Variants in GPC5 observed in about 807,000 individuals in gnomAD.
GPC5 encodes glypican-5.
Under a neutral mutation model 53.9 loss-of-function variants are expected in GPC5, and 47 were observed. The ratio of observed to expected loss-of-function variants is 0.87; its 90% CI spans 0.69 to 1.11. The LOEUF (loss-of-function observed/expected upper bound fraction) is 1.11. Ranked by LOEUF, GPC5 falls within the 50% of genes most tolerant of loss-of-function variation. GPC5 has a pLI of 0.00. For missense variants in GPC5, 748 were observed against 713.1 expected, an observed-to-expected ratio of 1.05 and a Z score of -0.56; for synonymous variants, 286 against 263.3, an observed-to-expected ratio of 1.09 and a Z score of -0.84.
At chr13:92,435,859 A>C (rs967117318) in intron 7 of GPC5, among the ~76,000 whole-genome samples, 1 of 152,216 alleles carries the variant, frequency 6.6e-6, no homozygotes, top group Admixed American at 6.5e-5. Context: ...GAATGCATTC[A>C]GGGAATTTTA....
At chr13:92,609,407 G>T (rs538252678) in intron 7 of GPC5, among the ~76,000 whole-genome samples, 1 of 152,190 alleles carries the variant, frequency 6.6e-6, no homozygotes, top group South Asian at 2.1e-4. Flanking sequence ...TGTCTAGCAG[G>T]TTTGTTCTAA....
At chr13:91,908,920 C>T (rs182036638) in intron 6 of GPC5, among the ~76,000 whole-genome samples, 1 of 152,156 alleles carries the variant, frequency 6.6e-6, no homozygotes, top group Admixed American at 6.6e-5. Flanking sequence ...TTATTGCATA[C>T]AACATATTCA....
chr13:92,455,942 T>G (rs1878248178), intron 7 of GPC5, among the ~76,000 whole-genome samples: 1 of 152,196 alleles, frequency 6.6e-6, no homozygotes, highest in Non-Finnish European at 1.5e-5. Flanking sequence ...TTTATTAAAA[T>G]GCAGACTTTG....
At chr13:92,078,381 T>C (rs535667611) in intron 6 of GPC5, among the ~76,000 whole-genome samples, 1 of 152,300 alleles carries the variant, frequency 6.6e-6, no homozygotes, top group African/African-American at 2.4e-5. Context: ...AGAAGACTTG[T>C]TAATATTTCA....
intron 6 of GPC5, among the ~76,000 whole-genome samples, chr13:92,118,212 A>G (rs982310513): frequency 6.6e-5 from 10 of 152,142 alleles, no homozygotes; most frequent in African/African-American, 2.2e-4. Flanking sequence ...CATCTACTGA[A>G]TGACGTTTGT....
intron 7 of GPC5, among the ~76,000 whole-genome samples, chr13:92,338,347 G>A (rs773588893): frequency 2.0e-5 from 3 of 152,050 alleles, no homozygotes; most frequent in Non-Finnish European, 4.4e-5. Flanking sequence ...ATGCAAAATG[G>A]TACTCTGGAA....
At position 92,044,524 on chromosome 13, in the gene GPC5, T is replaced by C. The variant is rs181946855; in HGVS notation, c.1402-100306T>C. ...TCTGCCAAAGCTAACGTATGTGTTTTACTTTGCCAAATGACTTGGTTCTGA... is the reference window on the plus strand; with the variant it reads ...TCTGCCAAAGCTAACGTATGTGTTTCACTTTGCCAAATGACTTGGTTCTGA... On this transcript the variant is annotated intron_variant, in intron 6 of 7. Transcript: ENST00000377067. 3.3e-5 allele frequency among the ~76,000 whole-genome samples: 5 copies of C among 152,348 alleles called. No individual in the cohort carries two copies. The East Asian group carries it at 9.6e-4, about 29-fold the overall frequency.
At chr13:92,781,156 C>T (rs1476173967) in intron 7 of GPC5, among the ~76,000 whole-genome samples, 4 of 152,068 alleles carry the variant, frequency 2.6e-5, no homozygotes, top group African/African-American at 9.7e-5. Context: ...CCTTATATTA[C>T]AGTTGTTGAA....
At chr13:91,436,494 G>A (rs1566395061) in intron 1 of GPC5, among the ~76,000 whole-genome samples, 1 of 152,182 alleles carries the variant, frequency 6.6e-6, no homozygotes, top group Non-Finnish European at 1.5e-5. Flanking sequence ...TAGTTGAGAG[G>A]TTTTGAGGGA....
At chr13:91,837,457 G>A (rs768607942) in intron 5 of GPC5, among the ~76,000 whole-genome samples, 55 of 152,074 alleles carry the variant, frequency 3.6e-4, no homozygotes, top group Non-Finnish European at 2.1e-4. Context: ...GTCTGGGACT[G>A]CTGCAGGAAC....
intron 6 of GPC5, among the ~76,000 whole-genome samples, chr13:92,075,897 T>C (rs1019672166): frequency 2.0e-5 from 3 of 152,200 alleles, no homozygotes; most frequent in African/African-American, 7.2e-5. Flanking sequence ...CTAGGCTATC[T>C]GAAGCTAATT....
chr13:91,531,415 T>C lies in GPC5; in HGVS notation c.325+82493T>C, dbSNP rs1886338363. Among the ~76,000 whole-genome samples, 2 of 152,198 alleles carry C rather than the reference T, an allele frequency of 1.3e-5. 1 individual carries two copies. Among genetic ancestry groups the C allele is most frequent in the Non-Finnish European group, 2.9e-5 (2 of 68,032 alleles). On this transcript the variant is annotated intron_variant, in intron 2 of 7. Transcript: ENST00000377067. ...TTCATGGCAAGCCTATTGACTTTCT[T>C]TGAGCTATGGGGTAAAGCCGGCTGT...
At chr13:92,594,814 A>G (rs1366621286) in intron 7 of GPC5, among the ~76,000 whole-genome samples, 1 of 152,242 alleles carries the variant, frequency 6.6e-6, no homozygotes. Context: ...GTCAAACACA[A>G]GAGGCCCTTA....
intron 7 of GPC5, among the ~76,000 whole-genome samples, chr13:92,379,570 T>A (rs181131220): frequency 6.6e-6 from 1 of 151,008 alleles, no homozygotes; most frequent in East Asian, 1.9e-4. Flanking sequence ...TGCATATTAG[T>A]TCCTCTCTGT....
intron 7 of GPC5, among the ~76,000 whole-genome samples, chr13:92,464,652 A>G (rs1878621301): frequency 6.6e-6 from 1 of 152,052 alleles, no homozygotes; most frequent in African/African-American, 2.4e-5. Context: ...ATTTACAATT[A>G]TGGAGAAATT....
At chr13:92,491,954 A>C (rs575916916) in intron 7 of GPC5, among the ~76,000 whole-genome samples, 2 of 152,126 alleles carry the variant, frequency 1.3e-5, no homozygotes, top group Non-Finnish European at 2.9e-5. Context: ...TTGCAGAATC[A>C]TTCTTTCTTC....
chr13:92,247,821 CT>C (rs962376111), intron 7 of GPC5, among the ~76,000 whole-genome samples: 9 of 152,096 alleles, frequency 5.9e-5, no homozygotes, highest in South Asian at 2.1e-4. Flanking sequence ...TATAAACAGC[CT>C]GGTTTCTCAC....
chr13:92,846,990 A>G (rs1409265), intron 7 of GPC5, among the ~76,000 whole-genome samples: 10,313 of 152,172 alleles, frequency 0.068, 688 homozygotes, highest in East Asian at 0.34. Context: ...TTCTAAGACT[A>G]CATGGAGATG....
At chr13:91,427,787 T>G (rs1468210441) in intron 1 of GPC5, among the ~76,000 whole-genome samples, 1 of 152,148 alleles carries the variant, frequency 6.6e-6, no homozygotes, top group Admixed American at 6.5e-5. Flanking sequence ...TGAATTGATG[T>G]CCCCAGGTGT....
Sources: allele counts gnomAD v4.1 joint callset (sites outside exome capture counted in the v4.1 genomes callset), GRCh38; gene constraint gnomAD v4.1.1; transcripts MANE v1.5; gene names NCBI Gene and HGNC (gene_info 2026-07-23, HGNC 2026-07-21).